Variants in KCNAB1 observed in about 807,000 individuals in gnomAD.
KCNAB1 encodes the protein potassium voltage-gated channel subfamily A regulatory beta subunit 1, also known as voltage-gated potassium channel subunit beta-1.
KCNAB1 carries 35 observed loss-of-function variants against 64.6 expected under a neutral mutation model. The observed-to-expected ratio is 0.54, with a 90% CI of 0.41 to 0.72. The LOEUF (loss-of-function observed/expected upper bound fraction) is 0.72. Among genes scored for constraint, KCNAB1 ranks in the 30% least tolerant of loss-of-function variants. KCNAB1 has a pLI of 0.00. For synonymous variants in KCNAB1, 177 were observed against 183.8 expected (o/e 0.96, Z 0.30); for missense variants, 401 against 512.9 (o/e 0.78, Z 2.11).
chr3:156,475,426 A>C (rs994310226), intron 8 of KCNAB1, among the ~76,000 whole-genome samples: 1 of 152,156 alleles, frequency 6.6e-6, no homozygotes, highest in African/African-American at 2.4e-5. Flanking sequence ...ATTTTCTTCG[A>C]TTTACATTTA....
intron 7 of KCNAB1, among the ~76,000 whole-genome samples, chr3:156,467,665 T>C (rs1338533831): frequency 6.6e-6 from 1 of 152,020 alleles, no homozygotes. Context: ...GCCACAAATA[T>C]TAACCTAAGC....
At chr3:156,246,036 A>G (rs972109124) in intron 1 of KCNAB1, among the ~76,000 whole-genome samples, 1 of 152,156 alleles carries the variant, frequency 6.6e-6, no homozygotes, top group East Asian at 1.9e-4. Context: ...GAGAAAAATT[A>G]TATTTTCTGA....
At chr3:156,219,667 T>G (rs1307628475) in intron 1 of KCNAB1, among the ~76,000 whole-genome samples, 1 of 151,714 alleles carries the variant, frequency 6.6e-6, no homozygotes, top group Non-Finnish European at 1.5e-5. Context: ...TCAGGTTATC[T>G]AAAGTCAAAA....
At chr3:156,428,488 TACACACACACACACAC>T (rs4056995) in intron 2 of KCNAB1, among the ~76,000 whole-genome samples, 12 of 127,566 alleles carry the variant, frequency 9.4e-5, no homozygotes, top group South Asian at 8.3e-4. Context: ...AATTCCTCTA[TACACACACACACACAC>T]ACACACACAC....
intron 1 of KCNAB1, among the ~76,000 whole-genome samples, chr3:156,231,096 A>G (rs1380058429): frequency 6.6e-6 from 1 of 152,074 alleles, no homozygotes; most frequent in African/African-American, 2.4e-5. Flanking sequence ...CCTCTTACAG[A>G]TTTATCTTCA....
intron 1 of KCNAB1, among the ~76,000 whole-genome samples, chr3:156,249,571 G>GA (rs1194385998): frequency 1.0e-3 from 140 of 134,440 alleles, no homozygotes; most frequent in African/African-American, 3.8e-3. Flanking sequence ...AAAAAAAAAA[G>GA]AAAAAAAAGA....
intron 1 of KCNAB1, among the ~76,000 whole-genome samples, chr3:156,293,716 T>C (rs1460383390): frequency 6.6e-6 from 1 of 152,232 alleles, no homozygotes; most frequent in Admixed American, 6.5e-5. Context: ...TTTCCTGATA[T>C]CCCTGTGATG....
chr3:156,304,957 GTGATGTGCGCTAAGGTGCACACACATACA>G (rs1721394102), intron 1 of KCNAB1, among the ~76,000 whole-genome samples: 1 of 151,904 alleles, frequency 6.6e-6, no homozygotes, highest in African/African-American at 2.4e-5. Context: ...GAATGTGTGT[GTGATGTGCGCTAAGGTGCACACACATACA>G]TGAGGTCATA....
chr3:156,291,958 T>C, intron 1 of KCNAB1: 2 of 1,614,024 alleles, frequency 1.2e-6, no homozygotes, highest in Admixed American at 3.3e-5. Context: ...GTCGGAATGG[T>C]GAGGACCGAC....
intron 1 of KCNAB1, among the ~76,000 whole-genome samples, chr3:156,334,320 C>T (rs1176827994): frequency 6.6e-6 from 1 of 152,132 alleles, no homozygotes; most frequent in Non-Finnish European, 1.5e-5. Flanking sequence ...GATTTATCTC[C>T]CTGGCTCTAA....
chr3:156,426,052 T>C (rs1272301224), intron 2 of KCNAB1, among the ~76,000 whole-genome samples: 1 of 152,156 alleles, frequency 6.6e-6, no homozygotes, highest in Non-Finnish European at 1.5e-5. Context: ...TACAAGGTAT[T>C]GGGGAACAGC....
At position 156,142,415 on chromosome 3, in the gene KCNAB1, G is replaced by A. The variant is rs185889750; in HGVS notation, c.275+21529G>A. 1.9e-4 allele frequency among the ~76,000 whole-genome samples: 29 copies of A among 152,192 alleles called. 1 individual carries two copies. Among genetic ancestry groups the A allele is most frequent in the South Asian group, 8.3e-4 (4 of 4,820 alleles). On this transcript the variant is annotated intron_variant, in intron 1 of 13. Coordinates refer to ENST00000490337, the MANE Select transcript of KCNAB1 (RefSeq NM_172160.3). ...CATTTAAATCCATGATCAATTTTGC[G>A]TTGATTTTTGTATAAAGATGAGGTT...
intron 1 of KCNAB1, among the ~76,000 whole-genome samples, chr3:156,363,683 G>A (rs1725759512): frequency 2.0e-5 from 3 of 152,112 alleles, no homozygotes; most frequent in African/African-American, 7.2e-5. Flanking sequence ...CACCATGTTG[G>A]TCCATGGTGG....
chr3:156,425,785 A>G (rs148777377), intron 2 of KCNAB1, among the ~76,000 whole-genome samples: 123 of 152,294 alleles, frequency 8.1e-4, no homozygotes, highest in African/African-American at 2.8e-3. Flanking sequence ...AAACAAACTG[A>G]TAATGTATCT....
rs77140338 is a variant in KCNAB1, at chr3:156,213,810, C to T, written c.275+92924C>T. On this transcript the variant is annotated intron_variant, in intron 1 of 13. Transcript: ENST00000490337. ...AGAGGTCCTAAAACCCTTGGAATTT[C>T]TGGAGTGACAGGAGTGTCTTTTGCT... Among the ~76,000 whole-genome samples, 1,372 of 152,238 alleles carry T rather than the reference C, an allele frequency of 9.0e-3. 32 individuals are homozygous for T. The highest frequency in any genetic ancestry group is 0.031 in the African/African-American group (1,272 of 41,546).
intron 3 of KCNAB1, 107 bp from the exon 4 acceptor site, chr3:156,457,346 T>C: frequency 3.2e-6 from 5 of 1,548,712 alleles, no homozygotes; most frequent in Non-Finnish European, 4.4e-6. Flanking sequence ...AAATAAGGAG[T>C]GGTTAGTGAG....
intron 1 of KCNAB1, among the ~76,000 whole-genome samples, chr3:156,226,161 A>G (rs1716146600): frequency 6.6e-6 from 1 of 152,230 alleles, no homozygotes; most frequent in Non-Finnish European, 1.5e-5. Context: ...ACCTGACTTC[A>G]AACTATACTG....
At chr3:156,131,983 T>C (rs1714025492) in intron 1 of KCNAB1, among the ~76,000 whole-genome samples, 1 of 152,166 alleles carries the variant, frequency 6.6e-6, no homozygotes, top group Admixed American at 6.5e-5. Flanking sequence ...TTGACTGGAA[T>C]TCAGCCACAT....
intron 1 of KCNAB1, among the ~76,000 whole-genome samples, chr3:156,346,074 A>C (rs1156448466): frequency 1.3e-5 from 2 of 151,120 alleles, no homozygotes; most frequent in Non-Finnish European, 1.5e-5. Context: ...CTGATGTGTA[A>C]GTTTTCCGTG....
Sources: gnomAD v4.1 joint callset for allele counts (sites outside exome capture counted in the v4.1 genomes callset) on GRCh38, gnomAD v4.1.1 for gene constraint, MANE v1.5 for transcripts, NCBI Gene and HGNC (gene_info 2026-07-23, HGNC 2026-07-21) for gene names.